Variants in FKBP1A observed in about 807,000 individuals in gnomAD.
FKBP1A encodes the protein peptidyl-prolyl cis-trans isomerase FKBP1A.
Under a neutral mutation model 14.2 loss-of-function variants are expected in FKBP1A, and 5 were observed. The observed-to-expected ratio is 0.35, with a 90% CI of 0.18 to 0.74. The LOEUF is 0.74. FKBP1A is among the 30% of genes least tolerant of loss of function. FKBP1A has a pLI of 0.56. For synonymous variants in FKBP1A, 42 were observed against 49.1 expected, an observed-to-expected ratio of 0.86 and a Z score of 0.60; for missense variants, 53 against 138.8, an observed-to-expected ratio of 0.38 and a Z score of 3.10.
Position 1,372,144 on chromosome 20 carries a change from C to T in FKBP1A, c.295G>A (p.Val99Ile), listed in dbSNP as rs146341033. 1,090 of 1,613,800 alleles carry T rather than the reference C, an allele frequency of 6.8e-4. 15 individuals are homozygous for T. Among genetic ancestry groups the T allele is most frequent in the Middle Eastern group, 1.7e-4 (1 of 6,046 alleles). Residue 99 changes from valine (V) to isoleucine (I), a missense_variant, in exon 4 of 5, where the codon GTC (valine) becomes ATC (isoleucine). Val to Ile is a conservative substitution (Grantham distance 29, BLOSUM62 3). Around this residue, in one of 2 missense-constraint regions of FKBP1A, gnomAD observed 35 missense variants for 118.1 expected, o/e 0.30. Coordinates refer to ENST00000400137, the MANE Select transcript of FKBP1A (RefSeq NM_000801.5). ...PGIIPPHATL[V>I]FDVELLKLE Reference sequence around the variant, plus strand: ...AGTTTTAGAAGCTCCACATCGAAGACGAGAGTGGCATGTGGTGGGATGATG... The same window carrying T: ...AGTTTTAGAAGCTCCACATCGAAGATGAGAGTGGCATGTGGTGGGATGATG...
At chr20:1,370,198 C>A in intron 4 of FKBP1A, 126 bp from the exon 5 acceptor site, 1 of 1,425,972 alleles carries the variant, frequency 7.0e-7, no homozygotes. Flanking sequence ...TGAGACCAAG[C>A]CACTTCTGTT....
chr20:1,371,938 G>T (rs2089470575), intron 4 of FKBP1A, 138 bp downstream of exon 4: 3 of 1,436,118 alleles, frequency 2.1e-6, no homozygotes, highest in Non-Finnish European at 2.7e-6. Context: ...ACACTGAAAG[G>T]ATACTCAATA....
intron 2 of FKBP1A, among the ~76,000 whole-genome samples, chr20:1,384,282 T>TA (rs2089647584): frequency 6.6e-6 from 1 of 152,230 alleles, no homozygotes; most frequent in Admixed American, 6.5e-5. Context: ...ACAGCGGTTC[T>TA]AGCTGACTCC....
intron 4 of FKBP1A, chr20:1,371,162 G>A: frequency 4.1e-6 from 4 of 985,424 alleles, no homozygotes; most frequent in Non-Finnish European, 4.8e-6. Flanking sequence ...GGCAGGAGGG[G>A]AGCAAATAAA....
intron 2 of FKBP1A, among the ~76,000 whole-genome samples, chr20:1,387,666 C>A (rs548272841): frequency 6.6e-6 from 1 of 152,054 alleles, no homozygotes; most frequent in South Asian, 2.1e-4. Context: ...GGAAACCTGG[C>A]GAAACCCGTC....
chr20:1,375,450 T>C (rs771902148), intron 3 of FKBP1A, 41 bp downstream of exon 3: 7 of 1,419,712 alleles, frequency 4.9e-6, no homozygotes, highest in Admixed American at 1.7e-5. Context: ...ATATAAAAGG[T>C]AAATACTAGA....
chr20:1,388,470 C>T (rs111345970), intron 2 of FKBP1A, among the ~76,000 whole-genome samples: 24 of 152,314 alleles, frequency 1.6e-4, no homozygotes, highest in African/African-American at 5.8e-4. Flanking sequence ...GCATTTGCTT[C>T]ACAGCAGGCA....
intron 3 of FKBP1A, among the ~76,000 whole-genome samples, chr20:1,372,607 C>G (rs2089482222): frequency 6.6e-6 from 1 of 152,142 alleles, no homozygotes; most frequent in Non-Finnish European, 1.5e-5. Flanking sequence ...TGTTAAGTGC[C>G]ATCTATGCTC....
At chr20:1,389,604 A>G (rs2089709567) in intron 2 of FKBP1A, among the ~76,000 whole-genome samples, 1 of 152,208 alleles carries the variant, frequency 6.6e-6, no homozygotes, top group Admixed American at 6.5e-5. Flanking sequence ...TCTCAGTCAG[A>G]AACCGGGAGG....
intron 2 of FKBP1A, among the ~76,000 whole-genome samples, chr20:1,390,318 A>G (rs1272849731): frequency 7.5e-6 from 1 of 133,530 alleles, no homozygotes; most frequent in Non-Finnish European, 1.6e-5. Flanking sequence ...TGAGCCAGAT[A>G]CTCAAAAGAA....
chr20:1,392,655 G>C (rs1367729664), intron 2 of FKBP1A, among the ~76,000 whole-genome samples, 179 bp downstream of exon 2: 1 of 152,052 alleles, frequency 6.6e-6, no homozygotes, highest in East Asian at 1.9e-4. Flanking sequence ...GACCCGCCCG[G>C]GTTCCGCAAG....
chr20:1,389,175 C>T (rs1040851340), intron 2 of FKBP1A, among the ~76,000 whole-genome samples: 11 of 152,222 alleles, frequency 7.2e-5, no homozygotes, highest in African/African-American at 2.7e-4. Context: ...CTATCAGTCT[C>T]CTCATCATAA....
chr20:1,391,817 G>T, intron 2 of FKBP1A: 1 of 393,240 alleles, frequency 2.5e-6, no homozygotes, highest in Non-Finnish European at 4.5e-6. Flanking sequence ...TTGAGAAAGG[G>T]GAAGGAGGAG....
chr20:1,376,216 C>G (rs1440449977), intron 2 of FKBP1A, among the ~76,000 whole-genome samples: 1 of 152,206 alleles, frequency 6.6e-6, no homozygotes, highest in Non-Finnish European at 1.5e-5. Flanking sequence ...ATAAGGCAAG[C>G]TTTCACCCTC....
At chr20:1,389,709 C>A (rs1391551822) in intron 2 of FKBP1A, among the ~76,000 whole-genome samples, 1 of 152,240 alleles carries the variant, frequency 6.6e-6, no homozygotes, top group Non-Finnish European at 1.5e-5. Flanking sequence ...CCCCTTGGGG[C>A]TGCTCTCACA....
At chr20:1,370,710 T>C (rs1469758259) in intron 4 of FKBP1A, 79 of 985,306 alleles carry the variant, frequency 8.0e-5, no homozygotes, top group Non-Finnish European at 9.0e-5. Context: ...TCGGGGTGAC[T>C]TGTAGCCTTT....
At chr20:1,375,162 T>C (rs1486259685) in intron 3 of FKBP1A, 2 of 510,920 alleles carry the variant, frequency 3.9e-6, no homozygotes, top group Non-Finnish European at 6.8e-6. Context: ...CCCAAAGTGC[T>C]GGAATTACAG....
rs1389746616 is a variant in FKBP1A at position 1,392,865 on chromosome 20, C to T, written c.54G>A (p.Lys18=). 12 of 1,495,190 alleles carry T rather than the reference C, an allele frequency of 8.0e-6. No homozygotes were observed. The Admixed American group carries it at 2.3e-4, about 28-fold the overall frequency. 92.6% of individuals were successfully genotyped at this position (1,495,190 alleles called of 1,614,324 possible). A position where few individuals can be genotyped will look rare whatever the true frequency, so the allele number is the denominator to read the frequency against. Residue 18 remains lysine (K), a synonymous_variant, in exon 2 of 5, where the codon AAG becomes AAA. Transcript: ENST00000400137. ...AGTGCACCACGCAGGTCTGGCCGCG[C>T]TTGGGGAAGGTGCGCCCTGAGGAGA... ...ISPGDGRTFP[K]RGQTCVVHYT...
chr20:1,391,434 C>T (rs1011893551), intron 2 of FKBP1A, among the ~76,000 whole-genome samples: 4 of 152,180 alleles, frequency 2.6e-5, no homozygotes, highest in Non-Finnish European at 5.9e-5. Flanking sequence ...TTTCCAGCTT[C>T]CTTCACGGAC....
Sources: gnomAD v4.1 joint callset for allele counts (sites outside exome capture counted in the v4.1 genomes callset) on GRCh38, gnomAD v4.1.1 for gene constraint, gnomAD v4.1.1 regional missense constraint, MANE v1.5 for transcripts, NCBI Gene and HGNC (gene_info 2026-07-23, HGNC 2026-07-21) for gene names.